The following NUS1 variants were observed in gnomAD, a reference collection of about 807,000 sequenced individuals.
NUS1 encodes NUS1 dehydrodolichyl diphosphate synthase subunit, also known as dehydrodolichyl diphosphate synthase complex subunit NUS1.
For missense variants in NUS1, 292 were observed against 382.9 expected (o/e 0.76, Z 1.98); for synonymous variants, 135 against 155.2 (o/e 0.87, Z 0.97).
chr6:117,703,581 C>A (rs779283166), intron 3 of NUS1, 24 bp from the exon 4 acceptor site: 3 of 1,522,458 alleles, frequency 2.0e-6, no homozygotes, highest in East Asian at 2.3e-5. Flanking sequence ...ATGTTAAGTT[C>A]ATGTGTATTT....
chr6:117,701,832 G>C (rs1297689866), intron 3 of NUS1, among the ~76,000 whole-genome samples: 7 of 151,708 alleles, frequency 4.6e-5, no homozygotes, highest in Non-Finnish European at 1.0e-4. Context: ...GATTACTCCT[G>C]CTGTCTCTGC....
chr6:117,686,255 G>A (rs998869156), intron 1 of NUS1, among the ~76,000 whole-genome samples: 6 of 150,336 alleles, frequency 4.0e-5, no homozygotes, highest in African/African-American at 1.5e-4. Context: ...GCAAGATTCC[G>A]TCTAAAAAAA....
intron 1 of NUS1, among the ~76,000 whole-genome samples, chr6:117,681,060 T>C (rs1773054261): frequency 6.6e-6 from 1 of 152,168 alleles, no homozygotes; most frequent in African/African-American, 2.4e-5. Context: ...AACTCCCTCT[T>C]CTCCTTTTTC....
rs773881177 is a variant in NUS1 at position 117,694,038 on chromosome 6, T to A, written c.549T>A (p.Asn183Lys). The change falls in exon 3 of 5, where the codon AAT becomes AAA. Residue 183 changes from asparagine (N) to lysine (K), a missense_variant. By Grantham distance (94) the Asn-to-Lys change is moderately conservative. Coordinates refer to ENST00000368494, the MANE Select transcript of NUS1 (RefSeq NM_138459.5). Reference protein sequence around the residue: ...NSNDKDDQVLNCHLAVKVLSP... With the variant: ...NSNDKDDQVLKCHLAVKVLSP... ...GTTTGTTTTTTCTTCCAGTTTTAAA[T>A]TGCCATTTGGCAGTGAAGGTGCTGT... 9 of 1,602,090 alleles carry A rather than the reference T, an allele frequency of 5.6e-6. No individual in the cohort carries two copies. Among genetic ancestry groups the A allele is most frequent in the African/African-American group, 1.3e-5 (1 of 74,452 alleles).
At chr6:117,678,031 G>A (rs1773009321) in intron 1 of NUS1, among the ~76,000 whole-genome samples, 1 of 152,194 alleles carries the variant, frequency 6.6e-6, no homozygotes, top group South Asian at 2.1e-4. Context: ...AGACTATAAT[G>A]TTGCCACATT....
intron 3 of NUS1, among the ~76,000 whole-genome samples, chr6:117,696,565 G>T (rs1477208462): frequency 6.6e-6 from 1 of 152,116 alleles, no homozygotes; most frequent in Non-Finnish European, 1.5e-5. Flanking sequence ...AACATATCTG[G>T]CAGCAGACTT....
chr6:117,703,743 G>A, intron 4 of NUS1, 39 bp downstream of exon 4: 5 of 1,418,812 alleles, frequency 3.5e-6, no homozygotes, highest in Non-Finnish European at 5.0e-6. Context: ...TTTAGATTCA[G>A]CAAGTGTTTC....
chr6:117,687,552 G>T (rs1014042677), intron 1 of NUS1, among the ~76,000 whole-genome samples: 2 of 152,152 alleles, frequency 1.3e-5, no homozygotes, highest in African/African-American at 2.4e-5. Flanking sequence ...GCCTCTTGAA[G>T]GTAAATGACA....
intron 1 of NUS1, among the ~76,000 whole-genome samples, chr6:117,690,436 A>G (rs1256109809): frequency 1.3e-5 from 2 of 152,092 alleles, no homozygotes; most frequent in African/African-American, 4.8e-5. Flanking sequence ...TCTATGTCTC[A>G]GTTTCTGAGC....
At position 117,707,894 on chromosome 6, in the gene NUS1, A is replaced by G. The variant is rs191820088; in HGVS notation, c.*879A>G. ...AGTAAAGGTGGAAAACTTATTATAA[A>G]TGGAAAGAAAGTTTTATTTCCTTTT... On this transcript the variant is annotated 3_prime_UTR_variant, in exon 5 of 5. Coordinates refer to ENST00000368494, the MANE Select transcript of NUS1 (RefSeq NM_138459.5). The G allele has an allele frequency of 5.6e-3, 859 of 152,506 alleles. 2 individuals carry two copies. The highest frequency in any genetic ancestry group is 9.0e-3 in the Non-Finnish European group (611 of 68,036). The allele number at this position is 152,506 out of a possible 1,614,324, so 9.4% of individuals were successfully genotyped here.
At chr6:117,681,186 CTATATCTCTGAATCTCCTCAGA>C (rs1773056492) in intron 1 of NUS1, among the ~76,000 whole-genome samples, 1 of 152,188 alleles carries the variant, frequency 6.6e-6, no homozygotes, top group Admixed American at 6.5e-5. Context: ...CCCTATCTTA[CTATATCTCTGAATCTCCTCAGA>C]ACTTCAAACA....
At chr6:117,682,383 T>C (rs1265484051) in intron 1 of NUS1, among the ~76,000 whole-genome samples, 1 of 152,072 alleles carries the variant, frequency 6.6e-6, no homozygotes, top group Non-Finnish European at 1.5e-5. Flanking sequence ...GAGGATTGCT[T>C]GAGCCCAGGA....
Position 117,675,713 on chromosome 6 carries a change from C to T in NUS1, c.43C>T (p.Leu15=). ...GCTGGTGTGGCGGGTGCTGCACGCG[C>T]TGCTCTGTCTGCACCGCACGCTCAC... The part of the protein sequence containing the change: ...YELVWRVLHA[L]LCLHRTLTSW... Residue 15 remains leucine (L), a synonymous_variant, in exon 1 of 5, where the codon CTG becomes TTG. Transcript: ENST00000368494. 1.3e-6 allele frequency: 2 copies of T among 1,511,856 alleles called. No individual in the cohort carries two copies. Among genetic ancestry groups the T allele is most frequent in the Non-Finnish European group, 1.8e-6 (2 of 1,125,518 alleles). The allele number at this position is 1,511,856 out of a possible 1,614,324, so 93.7% of individuals were successfully genotyped here.
At chr6:117,684,911 A>G (rs1485964443) in intron 1 of NUS1, among the ~76,000 whole-genome samples, 2 of 152,250 alleles carry the variant, frequency 1.3e-5, no homozygotes, top group Non-Finnish European at 2.9e-5. Flanking sequence ...CAGGATACAA[A>G]TTGCATAATC....
At chr6:117,701,011 A>G (rs1365211614) in intron 3 of NUS1, among the ~76,000 whole-genome samples, 1 of 151,374 alleles carries the variant, frequency 6.6e-6, no homozygotes, top group Non-Finnish European at 1.5e-5. Flanking sequence ...GTACAAAAAA[A>G]AAAATTGAAT....
At chr6:117,705,487 G>GT (rs1773487743) in intron 4 of NUS1, among the ~76,000 whole-genome samples, 1 of 152,206 alleles carries the variant, frequency 6.6e-6, no homozygotes, top group African/African-American at 2.4e-5. Flanking sequence ...TATGAAGCAC[G>GT]TAACAGGCTC....
At chr6:117,684,779 G>A (rs914360323) in intron 1 of NUS1, among the ~76,000 whole-genome samples, 1 of 152,106 alleles carries the variant, frequency 6.6e-6, no homozygotes, top group African/African-American at 2.4e-5. Flanking sequence ...ACCTGGGGAA[G>A]TATTGATTTT....
intron 3 of NUS1, among the ~76,000 whole-genome samples, chr6:117,700,118 C>T (rs1773385651): frequency 6.6e-6 from 1 of 152,120 alleles, no homozygotes; most frequent in African/African-American, 2.4e-5. Context: ...CAAGCACAGG[C>T]AACCAGAGCA....
chr6:117,694,570 A>G (rs1462803615), intron 3 of NUS1, among the ~76,000 whole-genome samples: 1 of 152,104 alleles, frequency 6.6e-6, no homozygotes, highest in African/African-American at 2.4e-5. Context: ...CCAGGAATAT[A>G]ATCTTACTGT....
Sources: gnomAD v4.1 joint callset for allele counts (sites outside exome capture counted in the v4.1 genomes callset) on GRCh38, gnomAD v4.1.1 for gene constraint, MANE v1.5 for transcripts, NCBI Gene and HGNC (gene_info 2026-07-23, HGNC 2026-07-21) for gene names.